CYS1: variants seen among roughly 807,000 people sequenced by gnomAD.
CYS1 encodes the protein cystin 1.
In CYS1, 5 loss-of-function variants were observed where a neutral mutation model predicts 9.6. That is an observed-to-expected ratio of 0.52 (90% CI 0.27 to 1.10). The LOEUF (loss-of-function observed/expected upper bound fraction) is 1.10, where lower values mean the gene tolerates loss of function less well. Ranked by LOEUF, CYS1 falls within the 50% of genes least tolerant of loss-of-function variation. The probability of loss-of-function intolerance (pLI) is 0.11; values close to 1 mark genes in which losing one functional copy is unlikely to be tolerated. For synonymous variants in CYS1, 88 were observed against 95.7 expected (o/e 0.92, Z 0.47); for missense variants, 221 against 207.9 (o/e 1.06, Z -0.39).
intron 2 of CYS1, among the ~76,000 whole-genome samples, chr2:10,059,610 C>T (rs1028712312): frequency 6.6e-6 from 1 of 152,184 alleles, no homozygotes; most frequent in African/African-American, 2.4e-5. Context: ...GGCAGAATGG[C>T]TTGAACCCAG....
chr2:10,070,872 G>C (rs1661757685), intron 1 of CYS1, among the ~76,000 whole-genome samples: 1 of 152,116 alleles, frequency 6.6e-6, no homozygotes, highest in Non-Finnish European at 1.5e-5. Context: ...TTGTACTCCT[G>C]AGCTCAAGCG....
At position 10,080,215 on chromosome 2, in the gene CYS1, G is replaced by T; in HGVS notation, c.9C>A (p.Ser3Arg). 2 of 1,056,740 alleles carry T rather than the reference G, an allele frequency of 1.9e-6. No individual in the cohort carries two copies. Among genetic ancestry groups the T allele is most frequent in the Non-Finnish European group, 1.1e-6 (1 of 880,150 alleles). 65.5% of individuals were successfully genotyped at this position (1,056,740 alleles called of 1,614,324 possible). ...GAGTCCGGCTGCTCCGGCTGCTGCC[G>T]CTGCCCATGGCGCGCCCGCCGCCTC... is the stretch of plus-strand genomic sequence containing the variant. MG[S>R]GSSRSSRTLR... is the part of the protein sequence containing the mutation. The change falls in exon 1 of 3, where the codon AGC becomes AGA. Residue 3 changes from serine to arginine, a missense_variant. Transcript: ENST00000381813. This position sits in a 1 kb window ranked among gnomAD's most constrained non-coding sequence, Gnocchi z 6.4.
chr2:10,079,597 G>C (rs1391576164), intron 1 of CYS1, among the ~76,000 whole-genome samples: 2 of 151,946 alleles, frequency 1.3e-5, no homozygotes, highest in East Asian at 3.9e-4. Flanking sequence ...GCTCCAGGGC[G>C]GCCCGGGAAG....
rs747634706 is a variant in CYS1 at position 10,065,968 on chromosome 2, T to C, written c.319-12A>G. ...TGCTCTGCGCACACCTTGAGAAAGA[T>C]GAAATGAAGAGACATTCAAAGATTG... On this transcript the variant is annotated splice_polypyrimidine_tract_variant and intron_variant, in intron 1 of 2. Transcript: ENST00000381813. The C allele has an allele frequency of 2.5e-6, 4 of 1,614,020 alleles. No homozygotes were observed. Among genetic ancestry groups the C allele is most frequent in the Non-Finnish European group, 2.5e-6 (3 of 1,180,028 alleles).
intron 2 of CYS1, among the ~76,000 whole-genome samples, chr2:10,065,590 G>T (rs1360813438): frequency 6.6e-6 from 1 of 152,212 alleles, no homozygotes; most frequent in Non-Finnish European, 1.5e-5. Flanking sequence ...TGGCCACAGC[G>T]CACAGCATGG....
In CYS1 at chr2:10,080,328, C is replaced by G. The variant is rs1230123189; in HGVS notation, c.-105G>C. ...GGCCGGGGCGGGCTGCAGGGGGAGGCGCGGGGCGAGGTCCGGGAAGCGACC... is the reference window on the plus strand; with the variant it reads ...GGCCGGGGCGGGCTGCAGGGGGAGGGGCGGGGCGAGGTCCGGGAAGCGACC... On this transcript the variant is annotated 5_prime_UTR_variant, in exon 1 of 3. Coordinates refer to ENST00000381813, the MANE Select transcript of CYS1 (RefSeq NM_001037160.3). The surrounding 1 kb of genome is among the most constrained non-coding windows in gnomAD (Gnocchi z 6.4). 1.4e-6 allele frequency: 1 copy of G among 722,674 alleles called. No homozygotes were observed. Among genetic ancestry groups the G allele is most frequent in the Non-Finnish European group, 1.7e-6 (1 of 588,694 alleles). 44.8% of individuals were successfully genotyped at this position (722,674 alleles called of 1,614,324 possible). A position where few individuals can be genotyped will look rare whatever the true frequency, so the allele number is the denominator to read the frequency against.
At position 10,073,272 on chromosome 2, in the gene CYS1, G is replaced by T. The variant is rs143688549; in HGVS notation, c.318+6634C>A. ...GGCCCGTCTCCACTGGGAAGGCCTT[G>T]CCTTGAAGGAGGTGTTTCCAAAGCC... On this transcript the variant is annotated intron_variant, in intron 1 of 2. Transcript: ENST00000381813. Among the ~76,000 whole-genome samples, 759 of 148,264 alleles carry T rather than the reference G, an allele frequency of 5.1e-3. 8 individuals are homozygous for T. The highest frequency in any genetic ancestry group is 0.021 in the Middle Eastern group (6 of 282).
chr2:10,060,527 G>A (rs896711916), intron 2 of CYS1, among the ~76,000 whole-genome samples: 10 of 152,198 alleles, frequency 6.6e-5, no homozygotes, highest in South Asian at 4.1e-4. Flanking sequence ...TCCCGGAGAC[G>A]TCATGCCCCT....
chr2:10,067,175 G>A (rs13339820), intron 1 of CYS1, among the ~76,000 whole-genome samples: 45,604 of 151,650 alleles, frequency 0.3, 7,339 homozygotes, highest in East Asian at 0.62. Flanking sequence ...GCCACCACAC[G>A]CAGCTAATTT....
chr2:10,058,625 C>T lies in CYS1; in HGVS notation c.*228G>A. ...GGAGGAGGCGCCGGCGGCCCAGGCCCACGCACCTGTGGGTCTACACAGCTA... is the reference window on the plus strand; with the variant it reads ...GGAGGAGGCGCCGGCGGCCCAGGCCTACGCACCTGTGGGTCTACACAGCTA... On this transcript the variant is annotated 3_prime_UTR_variant, in exon 3 of 3. Transcript: ENST00000381813. The T allele has an allele frequency of 2.3e-6, 1 of 438,460 alleles. No homozygotes were observed. Among genetic ancestry groups the T allele is most frequent in the Non-Finnish European group, 4.1e-6 (1 of 243,660 alleles). 27.2% of individuals were successfully genotyped at this position (438,460 alleles called of 1,614,324 possible). A position where few individuals can be genotyped will look rare whatever the true frequency, so the allele number is the denominator to read the frequency against.
chr2:10,067,015 TTTTA>T (rs1329631115), intron 1 of CYS1, among the ~76,000 whole-genome samples: 8 of 152,212 alleles, frequency 5.3e-5, no homozygotes, highest in East Asian at 1.9e-4. Context: ...TCTCTTTTTA[TTTTA>T]TTTATTTATT....
chr2:10,078,408 T>C (rs1462113001), intron 1 of CYS1, among the ~76,000 whole-genome samples: 1 of 152,188 alleles, frequency 6.6e-6, no homozygotes, highest in Non-Finnish European at 1.5e-5. Flanking sequence ...AGAACTTTCA[T>C]AGTAACCCAA....
At chr2:10,066,829 GA>G (rs34020868) in intron 1 of CYS1, among the ~76,000 whole-genome samples, 45,634 of 151,894 alleles carry the variant, frequency 0.3, 7,346 homozygotes, top group East Asian at 0.62. Flanking sequence ...ATATTTGGGG[GA>G]AAAAAACCTT....
At chr2:10,060,353 A>G (rs1320727069) in intron 2 of CYS1, among the ~76,000 whole-genome samples, 1 of 151,742 alleles carries the variant, frequency 6.6e-6, no homozygotes, top group Admixed American at 6.6e-5. Flanking sequence ...CCCTCTGACT[A>G]CTCCCACTGA....
intron 2 of CYS1, among the ~76,000 whole-genome samples, chr2:10,060,953 G>A (rs186947950): frequency 1.1e-4 from 16 of 152,278 alleles, no homozygotes; most frequent in Admixed American, 3.3e-4. Context: ...TGCCTGGCCC[G>A]GCGCAGTGGC....
At position 10,057,456 on chromosome 2, in the gene CYS1, G is replaced by A. The variant is rs1195624965; in HGVS notation, c.*1397C>T. 6.6e-6 allele frequency: 1 copy of A among 152,314 alleles called. No individual in the cohort carries two copies. Among genetic ancestry groups the A allele is most frequent in the Non-Finnish European group, 1.5e-5 (1 of 68,072 alleles). 9.4% of individuals were successfully genotyped at this position (152,314 alleles called of 1,614,324 possible). A position where few individuals can be genotyped will look rare whatever the true frequency, so the allele number is the denominator to read the frequency against. On this transcript the variant is annotated 3_prime_UTR_variant, in exon 3 of 3. Transcript: ENST00000381813. The stretch of plus-strand genomic sequence containing the variant: ...GGGCTGGGGACAGCGCCAAGGAGCT[G>A]GCCGTTGGTTCCTGAGATGCTCCTG...
intron 2 of CYS1, among the ~76,000 whole-genome samples, chr2:10,060,793 C>T (rs568416052): frequency 2.0e-5 from 3 of 152,364 alleles, no homozygotes; most frequent in South Asian, 2.1e-4. Flanking sequence ...CCAGGCCTCA[C>T]GCCCCTGTGG....
At position 10,059,012 on chromosome 2, in the gene CYS1, C is replaced by A. The variant is rs772042428; in HGVS notation, c.372-54G>T. Reference sequence around the variant, plus strand: ...CAGGAGGCAGGATGGTGCGTTCACACTCATTTCCCCTGGCCACCACAATGG... The same window carrying A: ...CAGGAGGCAGGATGGTGCGTTCACAATCATTTCCCCTGGCCACCACAATGG... On this transcript the variant is annotated intron_variant, in intron 2 of 2. Transcript: ENST00000381813. 192 of 1,482,462 alleles carry A rather than the reference C, an allele frequency of 1.3e-4. 1 individual carries two copies. Among genetic ancestry groups the A allele is most frequent in the Non-Finnish European group, 1.7e-4 (189 of 1,095,348 alleles). 91.8% of individuals were successfully genotyped at this position (1,482,462 alleles called of 1,614,324 possible).
rs138107529 is a variant in CYS1, at chr2:10,056,622, G to C, written c.*2231C>G. On this transcript the variant is annotated 3_prime_UTR_variant, in exon 3 of 3. Transcript: ENST00000381813. Reference sequence around the variant, plus strand: ...TCTAGCAGGACGCTGAGGCTCAGCTGCAACATGGGGCAGCCAGGAAGATGC... The same window carrying C: ...TCTAGCAGGACGCTGAGGCTCAGCTCCAACATGGGGCAGCCAGGAAGATGC... Among the ~76,000 whole-genome samples, 1 of 152,250 alleles carries C rather than the reference G, an allele frequency of 6.6e-6. No individual in the cohort carries two copies. The highest frequency in any genetic ancestry group is 2.4e-5 in the African/African-American group (1 of 41,462).
Sources: gnomAD v4.1 joint callset for allele counts (sites outside exome capture counted in the v4.1 genomes callset) on GRCh38, gnomAD v4.1.1 for gene constraint, Gnocchi (gnomAD v3.1) non-coding constraint, MANE v1.5 for transcripts, NCBI Gene and HGNC (gene_info 2026-07-23, HGNC 2026-07-21) for gene names.